The following NRG3 variants were observed in gnomAD, a reference collection of about 807,000 sequenced individuals.
NRG3 encodes neuregulin 3, also known as pro-neuregulin-3, membrane-bound isoform.
In NRG3, 31 loss-of-function variants were observed where a neutral mutation model predicts 66.9. The observed-to-expected ratio is 0.46, with a 90% CI of 0.35 to 0.63. NRG3 has a LOEUF of 0.63. Among genes scored for constraint, NRG3 ranks in the 20% least tolerant of loss-of-function variants. NRG3 has a pLI of 0.00. For missense variants in NRG3, 910 were observed against 878.9 expected (o/e 1.04, Z -0.45); for synonymous variants, 393 against 359.4 (o/e 1.09, Z -1.06).
chr10:82,026,410 G>C (rs80076795), intron 1 of NRG3, among the ~76,000 whole-genome samples: 42 of 152,084 alleles, frequency 2.8e-4, no homozygotes, highest in Non-Finnish European at 5.4e-4. Context: ...ATAAAAGATG[G>C]AGTGCTAGAA....
chr10:82,702,181 G>A (rs993617172), intron 2 of NRG3, among the ~76,000 whole-genome samples: 5 of 152,090 alleles, frequency 3.3e-5, no homozygotes, highest in African/African-American at 1.2e-4. Flanking sequence ...GTAAATACTT[G>A]GCGATTTCCT....
At chr10:82,804,234 G>A (rs1241168246) in intron 3 of NRG3, among the ~76,000 whole-genome samples, 2 of 152,082 alleles carry the variant, frequency 1.3e-5, no homozygotes, top group African/African-American at 4.8e-5. Flanking sequence ...ACTTAATAAG[G>A]AAAGAAAAAA....
At chr10:82,240,998 G>C (rs1338700823) in intron 1 of NRG3, among the ~76,000 whole-genome samples, 3 of 152,030 alleles carry the variant, frequency 2.0e-5, no homozygotes, top group African/African-American at 7.2e-5. Context: ...CAAGAGGAAA[G>C]GTTCTTTTTA....
At chr10:82,007,199 C>CTTTTT (rs2061404503) in intron 1 of NRG3, among the ~76,000 whole-genome samples, 1 of 140,264 alleles carries the variant, frequency 7.1e-6, no homozygotes, top group Admixed American at 7.9e-5. Flanking sequence ...ATCAAATTTT[C>CTTTTT]TTTTTTCTTT....
At chr10:82,267,743 A>G (rs2078376372) in intron 1 of NRG3, among the ~76,000 whole-genome samples, 1 of 152,140 alleles carries the variant, frequency 6.6e-6, no homozygotes, top group Admixed American at 6.6e-5. Context: ...TTTGCGTCCT[A>G]ATGGAAACCT....
intron 1 of NRG3, among the ~76,000 whole-genome samples, chr10:82,081,938 T>C (rs1484650250): frequency 6.6e-6 from 1 of 152,200 alleles, no homozygotes; most frequent in Non-Finnish European, 1.5e-5. Flanking sequence ...GAGGATGGCT[T>C]GAGTCCAGGC....
intron 4 of NRG3, among the ~76,000 whole-genome samples, chr10:82,881,947 G>A (rs185125460): frequency 2.0e-4 from 30 of 152,196 alleles, no homozygotes; most frequent in Admixed American, 5.9e-4. Flanking sequence ...AGTCTTCCTC[G>A]TTTTTGCCCC....
At chr10:82,509,074 T>C (rs1407066260) in intron 2 of NRG3, among the ~76,000 whole-genome samples, 2 of 152,134 alleles carry the variant, frequency 1.3e-5, no homozygotes, top group African/African-American at 2.4e-5. Flanking sequence ...TTTCCATAAA[T>C]AGCTCCAGGT....
At chr10:82,865,812 G>T (rs1340099135) in intron 4 of NRG3, among the ~76,000 whole-genome samples, 1 of 152,022 alleles carries the variant, frequency 6.6e-6, no homozygotes, top group African/African-American at 2.4e-5. Context: ...ACTCAATAAA[G>T]GATAAAAAGC....
intron 2 of NRG3, among the ~76,000 whole-genome samples, chr10:82,561,702 A>G (rs1406411951): frequency 6.6e-6 from 1 of 152,172 alleles, no homozygotes; most frequent in Non-Finnish European, 1.5e-5. Flanking sequence ...AATATGCTAG[A>G]TCCCAATCAC....
At chr10:82,362,571 G>GTTTTTTTTTTTTTTTT (rs1554896368) in intron 2 of NRG3, among the ~76,000 whole-genome samples, 1 of 47,042 alleles carries the variant, frequency 2.1e-5, no homozygotes. Flanking sequence ...TTTTTTTTTC[G>GTTTTTTTTTTTTTTTT]TAGAAATGGG....
At chr10:82,429,385 A>C (rs2089652548) in intron 2 of NRG3, among the ~76,000 whole-genome samples, 1 of 152,116 alleles carries the variant, frequency 6.6e-6, no homozygotes, top group African/African-American at 2.4e-5. Context: ...TTTGAATGAT[A>C]AAATGAATAA....
intron 1 of NRG3, among the ~76,000 whole-genome samples, chr10:82,123,680 G>A (rs2068239907): frequency 6.6e-6 from 1 of 152,100 alleles, no homozygotes; most frequent in Admixed American, 6.6e-5. Context: ...TTCTTCTGCT[G>A]GTGTCATTAG....
chr10:82,935,685 G>A (rs551468006), intron 4 of NRG3, among the ~76,000 whole-genome samples: 11 of 151,900 alleles, frequency 7.2e-5, no homozygotes, highest in Admixed American at 5.2e-4. Flanking sequence ...GTGCAGTGGC[G>A]CGATCTCAGC....
At chr10:82,260,974 A>G (rs2134201243) in intron 1 of NRG3, among the ~76,000 whole-genome samples, 1 of 152,270 alleles carries the variant, frequency 6.6e-6, no homozygotes, top group Middle Eastern at 3.4e-3. Context: ...TATTTGGATC[A>G]TGGGGCAGGT....
At chr10:82,684,828 T>TA (rs1257598117) in intron 2 of NRG3, among the ~76,000 whole-genome samples, 2 of 151,956 alleles carry the variant, frequency 1.3e-5, no homozygotes, top group African/African-American at 4.8e-5. Flanking sequence ...CAAGCAAAGG[T>TA]CCAAAAAATT....
In NRG3 at chr10:82,722,640, T is replaced by C. The variant is rs531843300; in HGVS notation, c.954-15937T>C. Among the ~76,000 whole-genome samples, 5 of 152,304 alleles carry C rather than the reference T, an allele frequency of 3.3e-5. No individual in the cohort carries two copies. The South Asian group carries it at 6.2e-4, about 19-fold the overall frequency. ...AGCTCAACACACACAGGATAGCTTA[T>C]TAAATCACTTCACTTGGGGTTTTTC... is the stretch of plus-strand genomic sequence containing the variant. On this transcript the variant is annotated intron_variant, in intron 2 of 8. Transcript: ENST00000372141.
At chr10:82,618,520 C>T (rs2048817990) in intron 2 of NRG3, among the ~76,000 whole-genome samples, 1 of 152,084 alleles carries the variant, frequency 6.6e-6, no homozygotes, top group African/African-American at 2.4e-5. Context: ...ACCAATTAAA[C>T]ATTTAAACAT....
At chr10:82,082,379 A>G (rs1348942083) in intron 1 of NRG3, among the ~76,000 whole-genome samples, 2 of 152,202 alleles carry the variant, frequency 1.3e-5, no homozygotes, top group South Asian at 2.1e-4. Context: ...ATTATTTTCA[A>G]TTGAGAAAAT....
Sources: allele counts gnomAD v4.1 joint callset (sites outside exome capture counted in the v4.1 genomes callset), GRCh38; gene constraint gnomAD v4.1.1; transcripts MANE v1.5; gene names NCBI Gene and HGNC (gene_info 2026-07-23, HGNC 2026-07-21).